COL22A1: variants seen among roughly 807,000 people sequenced by gnomAD.
COL22A1 encodes collagen alpha-1(XXII) chain.
In COL22A1, 221 loss-of-function variants were observed where a neutral mutation model predicts 248.9. The observed-to-expected ratio is 0.89, with a 90% CI of 0.80 to 0.99. The LOEUF is 0.99. COL22A1 is among the 50% of genes least tolerant of loss of function. The pLI is 0.00. For missense variants in COL22A1, 2,240 were observed against 2,179.0 expected (o/e 1.03, Z -0.56); for synonymous variants, 891 against 793.4 (o/e 1.12, Z -2.07).
chr8:138,781,323 A>G (rs996388778), intron 12 of COL22A1, among the ~76,000 whole-genome samples: 3 of 152,108 alleles, frequency 2.0e-5, no homozygotes, highest in Admixed American at 1.3e-4. Flanking sequence ...TGTGTAAAGT[A>G]GAGGATTGGG....
intron 10 of COL22A1, 133 bp from the exon 11 acceptor site, chr8:138,803,067 C>A: frequency 2.7e-6 from 2 of 738,470 alleles, no homozygotes; most frequent in South Asian, 1.5e-5. Flanking sequence ...ATTTCTGCAA[C>A]GAGGCCACAT....
intron 13 of COL22A1, among the ~76,000 whole-genome samples, chr8:138,780,199 A>C (rs181651289): frequency 6.6e-6 from 1 of 152,128 alleles, no homozygotes; most frequent in Non-Finnish European, 1.5e-5. Flanking sequence ...GGCCACCTAG[A>C]GTGGAGTGAG....
intron 34 of COL22A1, 74 bp from the exon 35 acceptor site, chr8:138,693,773 C>T: frequency 1.4e-6 from 2 of 1,451,486 alleles, no homozygotes; most frequent in South Asian, 1.2e-5. Flanking sequence ...GCAGGGAGGT[C>T]TCGGGAATAC....
chr8:138,821,191 T>A lies in COL22A1; in HGVS notation c.1190A>T (p.Asp397Val). Residue 397 changes from aspartate to valine, a missense_variant, in exon 7 of 65, where the codon GAC becomes GTC. Coordinates refer to ENST00000303045, the MANE Select transcript of COL22A1 (RefSeq NM_152888.3). ...GCCAATCACAGTCTTGCCCTGGATGTCAATGTTCTCCCGTTCCTCGATGGG... is the reference window on the plus strand; with the variant it reads ...GCCAATCACAGTCTTGCCCTGGATGACAATGTTCTCCCGTTCCTCGATGGG... Reference protein sequence around the residue: ...TLPIEERENIDIQGKTVIGKR... With the variant: ...TLPIEERENIVIQGKTVIGKR... 6.2e-7 allele frequency: 1 copy of A among 1,614,162 alleles called. No individual in the cohort carries two copies. The highest frequency in any genetic ancestry group is 8.5e-7 in the Non-Finnish European group (1 of 1,180,034).
intron 10 of COL22A1, among the ~76,000 whole-genome samples, chr8:138,806,073 T>TGTGA (rs1817646484): frequency 1.5e-5 from 2 of 133,344 alleles, no homozygotes; most frequent in Non-Finnish European, 3.2e-5. Flanking sequence ...GTGGTGTGTG[T>TGTGA]GATGGTGTGT....
intron 59 of COL22A1, among the ~76,000 whole-genome samples, chr8:138,602,549 G>C (rs1446105817): frequency 1.3e-5 from 2 of 152,162 alleles, no homozygotes; most frequent in Admixed American, 1.3e-4. Flanking sequence ...CGGTCTCATG[G>C]CCTCTGTTCC....
At chr8:138,892,119 T>G (rs2132115078) in intron 1 of COL22A1, among the ~76,000 whole-genome samples, 1 of 152,296 alleles carries the variant, frequency 6.6e-6, no homozygotes. Flanking sequence ...CCTCATTTGG[T>G]TTTGGTATTA....
chr8:138,726,673 C>T (rs992494447), intron 23 of COL22A1, among the ~76,000 whole-genome samples: 3 of 151,984 alleles, frequency 2.0e-5, no homozygotes, highest in African/African-American at 2.4e-5. Context: ...GAAGAAAGCC[C>T]GAGAAATAAA....
intron 7 of COL22A1, among the ~76,000 whole-genome samples, chr8:138,813,473 G>A (rs1395273740): frequency 2.0e-5 from 3 of 152,080 alleles, no homozygotes; most frequent in African/African-American, 7.2e-5. Flanking sequence ...TGACTGTGAG[G>A]CCTCCCCAGC....
At chr8:138,752,096 A>G (rs189872983) in intron 21 of COL22A1, among the ~76,000 whole-genome samples, 5 of 152,302 alleles carry the variant, frequency 3.3e-5, no homozygotes, top group Admixed American at 3.3e-4. Flanking sequence ...GGTGCCGTTA[A>G]ACCTCGGTTA....
intron 11 of COL22A1, among the ~76,000 whole-genome samples, chr8:138,801,891 G>A (rs1184442793): frequency 6.7e-6 from 1 of 148,200 alleles, no homozygotes. Flanking sequence ...AAAAAAAAAA[G>A]GAAAGAAAGA....
intron 23 of COL22A1, among the ~76,000 whole-genome samples, chr8:138,727,542 A>G (rs986829229): frequency 2.0e-5 from 3 of 152,208 alleles, no homozygotes; most frequent in African/African-American, 7.2e-5. Flanking sequence ...AGAAAGAACA[A>G]CACTGCATGG....
intron 37 of COL22A1, 125 bp from the exon 38 acceptor site, chr8:138,685,437 G>A (rs1358562926): frequency 2.7e-6 from 2 of 739,450 alleles, no homozygotes; most frequent in African/African-American, 3.6e-5. Flanking sequence ...GAAGGCCCAT[G>A]CTTTCTGGGA....
intron 41 of COL22A1, among the ~76,000 whole-genome samples, chr8:138,666,423 A>G (rs1349132478): frequency 2.6e-5 from 4 of 152,236 alleles, no homozygotes; most frequent in Non-Finnish European, 4.4e-5. Context: ...TATTATCAAC[A>G]TTTCATTGCT....
chr8:138,677,001 C>T (rs1825612312), intron 40 of COL22A1, among the ~76,000 whole-genome samples: 1 of 152,168 alleles, frequency 6.6e-6, no homozygotes, highest in Non-Finnish European at 1.5e-5. Context: ...TTTGCGCATG[C>T]ACCCACATTT....
intron 18 of COL22A1, among the ~76,000 whole-genome samples, chr8:138,756,450 AT>A (rs1833012684): frequency 6.6e-6 from 1 of 152,138 alleles, no homozygotes; most frequent in Admixed American, 6.5e-5. Flanking sequence ...TTGGTCCTAA[AT>A]GAAGCATATT....
intron 11 of COL22A1, among the ~76,000 whole-genome samples, chr8:138,801,677 G>T (rs985321632): frequency 4.6e-5 from 7 of 152,244 alleles, no homozygotes; most frequent in African/African-American, 1.4e-4. Context: ...TCAGGAGTTT[G>T]AGACCAGCCT....
At chr8:138,886,742 A>C (rs1202778069) in intron 1 of COL22A1, among the ~76,000 whole-genome samples, 1 of 152,216 alleles carries the variant, frequency 6.6e-6, no homozygotes. Context: ...CCTCACGTTC[A>C]TGCTATGAGC....
chr8:138,773,294 G>A (rs114494791), intron 16 of COL22A1, among the ~76,000 whole-genome samples: 2,001 of 152,182 alleles, frequency 0.013, 42 homozygotes, highest in African/African-American at 0.039. Context: ...GGCTGATCCC[G>A]GCTTCTGGCT....
Sources: allele counts gnomAD v4.1 joint callset (sites outside exome capture counted in the v4.1 genomes callset), GRCh38; gene constraint gnomAD v4.1.1; transcripts MANE v1.5; gene names NCBI Gene and HGNC (gene_info 2026-07-23, HGNC 2026-07-21).